The following PRIM2 variants were observed in gnomAD, a reference collection of about 807,000 sequenced individuals.
PRIM2 encodes the protein DNA primase subunit 2.
A neutral mutation model predicts 67.3 loss-of-function variants in PRIM2; 39 were observed. That is an observed-to-expected ratio of 0.58 (90% CI 0.45 to 0.76). The LOEUF (loss-of-function observed/expected upper bound fraction) is 0.76. PRIM2 is among the 30% of genes least tolerant of loss of function. PRIM2 has a pLI of 0.00. For synonymous variants in PRIM2, 143 were observed against 198.7 expected (o/e 0.72, Z 2.36); for missense variants, 398 against 598.7 (o/e 0.66, Z 3.50).
At chr6:57,406,098 G>A (rs1278158560) in intron 7 of PRIM2, among the ~76,000 whole-genome samples, 3 of 152,186 alleles carry the variant, frequency 2.0e-5, no homozygotes, top group African/African-American at 4.8e-5. Context: ...GAGACGTCAG[G>A]TCTGAGCTGG....
At chr6:57,562,553 G>A (rs1346627820) in intron 10 of PRIM2, among the ~76,000 whole-genome samples, 1 of 152,044 alleles carries the variant, frequency 6.6e-6, no homozygotes, top group African/African-American at 2.4e-5. Flanking sequence ...CTGAGCTCTA[G>A]ACCCAGATAT....
chr6:57,602,653 T>G (rs1303361332), intron 11 of PRIM2, among the ~76,000 whole-genome samples: 1 of 152,214 alleles, frequency 6.6e-6, no homozygotes, highest in Non-Finnish European at 1.5e-5. Context: ...AGCATTTGTC[T>G]CTTAATTAGT....
intron 7 of PRIM2, among the ~76,000 whole-genome samples, chr6:57,495,203 C>T (rs1773977344): frequency 6.6e-6 from 1 of 152,082 alleles, no homozygotes; most frequent in African/African-American, 2.4e-5. Context: ...TAAAGAAAAA[C>T]TGTAGTATTA....
upstream of PRIM2, among the ~76,000 whole-genome samples, chr6:57,310,828 G>A (rs1222529970): frequency 5.3e-5 from 8 of 150,376 alleles, no homozygotes; most frequent in African/African-American, 1.5e-4. Flanking sequence ...CAGGGCAGCC[G>A]GGCAGAGACT....
At chr6:57,469,611 G>A (rs1241338311) in intron 7 of PRIM2, among the ~76,000 whole-genome samples, 4 of 152,132 alleles carry the variant, frequency 2.6e-5, no homozygotes, top group Admixed American at 2.6e-4. Flanking sequence ...AATACTAGAA[G>A]TTTTCGCCCT....
At chr6:57,409,408 C>CTCG (rs1771010832) in intron 7 of PRIM2, among the ~76,000 whole-genome samples, 1 of 152,266 alleles carries the variant, frequency 6.6e-6, no homozygotes, top group African/African-American at 2.4e-5. Context: ...ATCTCCTGAC[C>CTCG]TCGTGATCGC....
At chr6:57,456,191 C>T (rs1404745148) in intron 7 of PRIM2, among the ~76,000 whole-genome samples, 1 of 151,930 alleles carries the variant, frequency 6.6e-6, no homozygotes, top group African/African-American at 2.4e-5. Flanking sequence ...GTGGGTAACC[C>T]GACCTTTCTC....
At chr6:57,593,723 A>T (rs1479736224) in intron 10 of PRIM2, among the ~76,000 whole-genome samples, 60 of 152,372 alleles carry the variant, frequency 3.9e-4, no homozygotes, top group African/African-American at 1.4e-3. Context: ...TTGAATTTGT[A>T]AATTTGAAAA....
chr6:57,337,355 C>T (rs1768292043), intron 5 of PRIM2, among the ~76,000 whole-genome samples: 1 of 151,772 alleles, frequency 6.6e-6, no homozygotes. Flanking sequence ...CTGCACCAAG[C>T]AGACCTAATA....
intron 13 of PRIM2, among the ~76,000 whole-genome samples, chr6:57,642,464 ACGGAG>A (rs1777259283): frequency 1.8e-5 from 1 of 54,700 alleles, no homozygotes; most frequent in Non-Finnish European, 3.4e-5. Context: ...TTTTTTTGAG[ACGGAG>A]TTTCGCTCTG....
chr6:57,439,276 T>C (rs1364607310), intron 7 of PRIM2, among the ~76,000 whole-genome samples: 4 of 152,132 alleles, frequency 2.6e-5, no homozygotes, highest in Non-Finnish European at 5.9e-5. Flanking sequence ...TTTAATTGAA[T>C]CTAACCTTGG....
chr6:57,425,504 C>A (rs1313314844), intron 7 of PRIM2, among the ~76,000 whole-genome samples: 2 of 152,154 alleles, frequency 1.3e-5, no homozygotes, highest in African/African-American at 4.8e-5. Flanking sequence ...CGTGAGCCAC[C>A]ACACCCTGCC....
intron 8 of PRIM2, among the ~76,000 whole-genome samples, chr6:57,513,013 A>G (rs1774403101): frequency 6.6e-6 from 1 of 152,186 alleles, no homozygotes; most frequent in African/African-American, 2.4e-5. Flanking sequence ...TGATACCAGG[A>G]ACTTTTCTAT....
At chr6:57,605,521 G>C (rs1776544923) in intron 11 of PRIM2, among the ~76,000 whole-genome samples, 1 of 151,936 alleles carries the variant, frequency 6.6e-6, no homozygotes, top group Non-Finnish European at 1.5e-5. Flanking sequence ...GTGTTTCCTG[G>C]AACTTAGTCA....
At chr6:57,241,203 G>A in the PRIM2 span, among the ~76,000 whole-genome samples, 12 of 140,714 alleles carry the variant, frequency 8.5e-5, no homozygotes, top group Admixed American at 8.4e-4. Flanking sequence ...CATCCTGGGC[G>A]ACAGAGCGAG....
At chr6:57,324,130 T>A in intron 3 of PRIM2, 71 bp from the exon 4 acceptor site, 1 of 824,870 alleles carries the variant, frequency 1.2e-6, no homozygotes, top group South Asian at 1.5e-5. Context: ...TGGCTTAGGC[T>A]GGCTCAGTAT....
chr6:57,407,688 T>C (rs1472724501), intron 7 of PRIM2, among the ~76,000 whole-genome samples: 1 of 152,210 alleles, frequency 6.6e-6, no homozygotes, highest in African/African-American at 2.4e-5. Context: ...AAAGAGAATT[T>C]GAAACTGTGT....
intron 13 of PRIM2, among the ~76,000 whole-genome samples, chr6:57,639,383 G>A (rs1166227930): frequency 6.6e-6 from 1 of 151,756 alleles, no homozygotes; most frequent in Non-Finnish European, 1.5e-5. Flanking sequence ...CTAGCAGATG[G>A]CAAGAAATAA....
chr6:57,348,904 G>A (rs1483007470), intron 5 of PRIM2, among the ~76,000 whole-genome samples: 11 of 151,780 alleles, frequency 7.2e-5, no homozygotes, highest in African/African-American at 2.7e-4. Context: ...GTGCCACCCC[G>A]ACCAGCTAAT....
Sources: gnomAD v4.1 joint callset for allele counts (sites outside exome capture counted in the v4.1 genomes callset) on GRCh38, gnomAD v4.1.1 for gene constraint, MANE v1.5 for transcripts, NCBI Gene and HGNC (gene_info 2026-07-23, HGNC 2026-07-21) for gene names.